Variants in COL4A1 observed in about 807,000 individuals in gnomAD.
The protein encoded by COL4A1 is collagen type IV alpha 1 chain, also known as collagen alpha-1(IV) chain.
Under a neutral mutation model 216.6 loss-of-function variants are expected in COL4A1, and 40 were observed. The observed-to-expected ratio is 0.18, with a 90% CI of 0.14 to 0.24. The LOEUF (loss-of-function observed/expected upper bound fraction) is 0.24. Among genes scored for constraint, COL4A1 ranks in the 10% least tolerant of loss-of-function variants. The probability of loss-of-function intolerance (pLI) is 1.00; values close to 1 mark genes in which losing one functional copy is unlikely to be tolerated. For missense variants in COL4A1, 1,628 were observed against 2,196.8 expected, an observed-to-expected ratio of 0.74 and a Z score of 5.18; for synonymous variants, 839 against 810.7, an observed-to-expected ratio of 1.03 and a Z score of -0.59.
intron 2 of COL4A1, among the ~76,000 whole-genome samples, chr13:110,236,722 G>A (rs1260798494): frequency 1.3e-5 from 2 of 152,220 alleles, no homozygotes; most frequent in Non-Finnish European, 2.9e-5. Context: ...CAGGGGCTGT[G>A]GGGTGACCCA....
At chr13:110,192,099 T>C in intron 24 of COL4A1, 115 bp downstream of exon 24, 1 of 1,080,042 alleles carries the variant, frequency 9.3e-7, no homozygotes, top group Non-Finnish European at 1.4e-6. Flanking sequence ...CAGCAACACT[T>C]ACCAGCTCCC....
chr13:110,253,660 A>G (rs1156888976), intron 1 of COL4A1, among the ~76,000 whole-genome samples: 2 of 144,406 alleles, frequency 1.4e-5, no homozygotes, highest in Non-Finnish European at 3.0e-5. Flanking sequence ...TATACGTATA[A>G]TTATATGTGT....
intron 31 of COL4A1, 67 bp downstream of exon 31, chr13:110,178,856 C>T (rs1878010507): frequency 8.2e-7 from 1 of 1,223,796 alleles, no homozygotes; most frequent in African/African-American, 1.5e-5. Context: ...GGGACCCCGG[C>T]CTCATCCCCC....
intron 25 of COL4A1, 80 bp from the exon 26 acceptor site, chr13:110,186,633 T>C: frequency 2.6e-6 from 4 of 1,555,412 alleles, no homozygotes; most frequent in Middle Eastern, 1.7e-4. Context: ...CTGACATTTG[T>C]GGTCAATAAG....
At chr13:110,297,079 G>A (rs1884304483) in intron 1 of COL4A1, among the ~76,000 whole-genome samples, 1 of 152,156 alleles carries the variant, frequency 6.6e-6, no homozygotes, top group Admixed American at 6.5e-5. Context: ...TTATATAAGG[G>A]CATGATTGAT....
At chr13:110,245,624 C>A (rs1881766255) in intron 1 of COL4A1, among the ~76,000 whole-genome samples, 1 of 152,170 alleles carries the variant, frequency 6.6e-6, no homozygotes, top group South Asian at 2.1e-4. Context: ...TTGATAAAAT[C>A]TCAGAAGCTT....
intron 33 of COL4A1, among the ~76,000 whole-genome samples, chr13:110,177,567 T>C (rs1458547273): frequency 6.6e-6 from 1 of 152,136 alleles, no homozygotes; most frequent in Non-Finnish European, 1.5e-5. Context: ...TGGCTGAAGA[T>C]TCCACCATTT....
chr13:110,217,103 T>G (rs1405334856), intron 2 of COL4A1, among the ~76,000 whole-genome samples: 2 of 152,174 alleles, frequency 1.3e-5, no homozygotes, highest in Non-Finnish European at 2.9e-5. Flanking sequence ...CAGATAAAAG[T>G]GCACACGAAT....
At chr13:110,224,678 G>T (rs1209471309) in intron 2 of COL4A1, among the ~76,000 whole-genome samples, 1 of 152,182 alleles carries the variant, frequency 6.6e-6, no homozygotes, top group Non-Finnish European at 1.5e-5. Context: ...CCAAAGCAAG[G>T]CCCCTGAGGG....
chr13:110,189,860 G>A (rs1008341325), intron 24 of COL4A1, among the ~76,000 whole-genome samples: 1 of 151,484 alleles, frequency 6.6e-6, no homozygotes, highest in African/African-American at 2.4e-5. Flanking sequence ...AGTATTTCAG[G>A]GCTCTGAGGG....
chr13:110,307,066 G>T lies in COL4A1; in HGVS notation c.-39C>A. 7.1e-7 allele frequency: 1 copy of T among 1,411,028 alleles called. No homozygotes were observed. Among genetic ancestry groups the T allele is most frequent in the Non-Finnish European group, 9.3e-7 (1 of 1,081,060 alleles). The allele number at this position is 1,411,028 out of a possible 1,614,324, so 87.4% of individuals were successfully genotyped here. On this transcript the variant is annotated 5_prime_UTR_variant, in exon 1 of 52. Transcript: ENST00000375820. The surrounding 1 kb of genome is among the most constrained non-coding windows in gnomAD (Gnocchi z 5.0). The stretch of plus-strand genomic sequence containing the variant: ...AGGCGGCGAGGGACGGCTGCCCGGC[G>T]TGCGGGGGCCGCGGCGGACAGCTAG...
At chr13:110,292,594 G>A (rs1884129657) in intron 1 of COL4A1, among the ~76,000 whole-genome samples, 1 of 152,200 alleles carries the variant, frequency 6.6e-6, no homozygotes, top group Admixed American at 6.5e-5. Flanking sequence ...CATGGTGGAA[G>A]GCAAAGGGGA....
intron 2 of COL4A1, among the ~76,000 whole-genome samples, chr13:110,214,939 G>A (rs1182772362): frequency 6.6e-6 from 1 of 152,184 alleles, no homozygotes; most frequent in Non-Finnish European, 1.5e-5. Flanking sequence ...AACTCTTGAG[G>A]GCAGGAAATA....
chr13:110,187,460 T>C (rs1480242592), intron 24 of COL4A1, 131 bp from the exon 25 acceptor site: 28 of 1,036,742 alleles, frequency 2.7e-5, no homozygotes, highest in Non-Finnish European at 3.6e-5. Flanking sequence ...TGCCTCATCA[T>C]TGATTTTCTA....
Position 110,163,523 on chromosome 13 carries a change from T to C in COL4A1, c.4189A>G (p.Ile1397Val). 6.2e-7 allele frequency: 1 copy of C among 1,614,154 alleles called. No homozygotes were observed. The highest frequency in any genetic ancestry group is 1.1e-5 in the South Asian group (1 of 91,084). The change falls in exon 47 of 52, where the codon ATT (isoleucine) becomes GTT (valine). Residue 1397 changes from isoleucine to valine, a missense_variant. Ile to Val is a conservative substitution (Grantham distance 29). Transcript: ENST00000375820. ...CCAGGGGCACCGTCAAACCCAGGAA[T>C]ACCTGGAGGTCCAGGTATACCCACC... ...GLVGIPGPPG[I>V]PGFDGAPGQK...
chr13:110,167,067 G>T, intron 44 of COL4A1, 91 bp downstream of exon 44: 2 of 980,338 alleles, frequency 2.0e-6, no homozygotes, highest in Non-Finnish European at 3.3e-6. Flanking sequence ...TGGCAGCGGT[G>T]CTATCAGTGC....
At chr13:110,306,282 T>C (rs1022747277) in intron 1 of COL4A1, among the ~76,000 whole-genome samples, 2 of 152,224 alleles carry the variant, frequency 1.3e-5, no homozygotes, top group Non-Finnish European at 2.9e-5. Flanking sequence ...AATGTGGTTA[T>C]AATTTTTTAA....
At chr13:110,279,396 G>A (rs2139298301) in intron 1 of COL4A1, among the ~76,000 whole-genome samples, 1 of 152,244 alleles carries the variant, frequency 6.6e-6, no homozygotes, top group African/African-American at 2.4e-5. Context: ...TGTACATAAT[G>A]CTCAGGTTGG....
intron 33 of COL4A1, 116 bp from the exon 34 acceptor site, chr13:110,177,153 T>C: frequency 1.3e-6 from 2 of 1,531,466 alleles, no homozygotes; most frequent in Non-Finnish European, 1.8e-6. Context: ...AAAGCACTCA[T>C]AACTTGTCCA....
Sources: gnomAD v4.1 joint callset for allele counts (sites outside exome capture counted in the v4.1 genomes callset) on GRCh38, gnomAD v4.1.1 for gene constraint, Gnocchi (gnomAD v3.1) non-coding constraint, MANE v1.5 for transcripts, NCBI Gene and HGNC (gene_info 2026-07-23, HGNC 2026-07-21) for gene names.